PCDHGA10: variants seen among roughly 807,000 people sequenced by gnomAD.
PCDHGA10 encodes the protein protocadherin gamma subfamily A, 10, also known as protocadherin gamma-A10.
In PCDHGA10, 42 loss-of-function variants were observed where a neutral mutation model predicts 59.5. The observed-to-expected ratio is 0.71, with a 90% CI of 0.55 to 0.91. The LOEUF is 0.91. PCDHGA10 is among the 40% of genes least tolerant of loss of function. PCDHGA10 has a pLI of 0.00. For missense variants in PCDHGA10, 1,111 were observed against 1,198.2 expected, an observed-to-expected ratio of 0.93 and a Z score of 1.07; for synonymous variants, 511 against 517.2, an observed-to-expected ratio of 0.99 and a Z score of 0.16.
At chr5:141,427,411 A>C (rs1256606726) in intron 1 of PCDHGA10, 2 of 464,124 alleles carry the variant, frequency 4.3e-6, no homozygotes, top group Admixed American at 2.3e-5. Flanking sequence ...GATTCGAGAG[A>C]AAATGGGGAG....
At chr5:141,422,122 A>C in intron 1 of PCDHGA10, 1 of 1,601,714 alleles carries the variant, frequency 6.2e-7, no homozygotes, top group Non-Finnish European at 8.5e-7. Context: ...GGATTCACAA[A>C]CTGGAGAAGT....
At chr5:141,430,206 TTATTA>T (rs1267858049) in intron 1 of PCDHGA10, among the ~76,000 whole-genome samples, 2 of 151,984 alleles carry the variant, frequency 1.3e-5, no homozygotes, top group African/African-American at 4.8e-5. Flanking sequence ...AAAGTTTAAA[TTATTA>T]TATTATATGA....
chr5:141,482,470 C>T (rs768383368), intron 1 of PCDHGA10, among the ~76,000 whole-genome samples: 8 of 137,876 alleles, frequency 5.8e-5, no homozygotes, highest in Non-Finnish European at 1.2e-4. Flanking sequence ...ATGTGCCAGA[C>T]ACTGTAAACA....
At chr5:141,481,035 G>C (rs1342607604) in intron 1 of PCDHGA10, among the ~76,000 whole-genome samples, 1 of 152,094 alleles carries the variant, frequency 6.6e-6, no homozygotes, top group Non-Finnish European at 1.5e-5. Flanking sequence ...TCCAGCCTGG[G>C]CGACAGAGCG....
chr5:141,432,025 G>T lies in PCDHGA10; in HGVS notation c.2436+16414G>T. ...AGGTTCCTAGCTACAACATCACAGT[G>T]ACCGCCACTGACCGGGGAACCCCGC... On this transcript the variant is annotated intron_variant, in intron 1 of 3. Coordinates refer to ENST00000398610, the MANE Select transcript of PCDHGA10 (RefSeq NM_018913.3). The surrounding 1 kb of genome is among the most constrained non-coding windows in gnomAD (Gnocchi z 6.0). The T allele has an allele frequency of 6.2e-7, 1 of 1,614,158 alleles. No homozygotes were observed. The highest frequency in any genetic ancestry group is 1.1e-5 in the South Asian group (1 of 91,058).
intron 1 of PCDHGA10, among the ~76,000 whole-genome samples, chr5:141,465,038 G>T (rs1297185291): frequency 6.6e-6 from 1 of 151,642 alleles, no homozygotes; most frequent in Non-Finnish European, 1.5e-5. Flanking sequence ...CACCACAAAT[G>T]ACCCTATATA....
chr5:141,478,221 C>A, intron 1 of PCDHGA10: 1 of 1,614,122 alleles, frequency 6.2e-7, no homozygotes, highest in Non-Finnish European at 8.5e-7. Context: ...ATCCTGGTTT[C>A]TGTGGGGTTT....
intron 1 of PCDHGA10, among the ~76,000 whole-genome samples, chr5:141,457,968 G>A (rs919621979): frequency 6.6e-6 from 1 of 152,120 alleles, no homozygotes; most frequent in African/African-American, 2.4e-5. Context: ...TTCCTTAAAG[G>A]GAAACACACC....
intron 1 of PCDHGA10, among the ~76,000 whole-genome samples, chr5:141,467,395 G>A (rs1197131223): frequency 6.6e-6 from 1 of 152,056 alleles, no homozygotes; most frequent in African/African-American, 2.4e-5. Flanking sequence ...TTAAGTCATA[G>A]TTAGAAAGCC....
chr5:141,429,960 A>C (rs981722031), intron 1 of PCDHGA10, among the ~76,000 whole-genome samples: 2 of 152,244 alleles, frequency 1.3e-5, no homozygotes, highest in African/African-American at 4.8e-5. Flanking sequence ...AGTCAATGCA[A>C]GTTGGAATGC....
At chr5:141,423,618 C>T (rs2096760725) in intron 1 of PCDHGA10, 2 of 1,608,284 alleles carry the variant, frequency 1.2e-6, no homozygotes, top group East Asian at 2.2e-5. Flanking sequence ...TAGCTGAAGA[C>T]TCAGCTATCA....
intron 2 of PCDHGA10, among the ~76,000 whole-genome samples, chr5:141,497,540 C>CTT (rs754207034): frequency 2.8e-4 from 38 of 134,912 alleles, no homozygotes; most frequent in African/African-American, 8.9e-4. Context: ...TGCAACAAAC[C>CTT]TTTTTTTTTT....
At chr5:141,433,208 C>T (rs780155661) in intron 1 of PCDHGA10, 90 of 1,293,816 alleles carry the variant, frequency 7.0e-5, no homozygotes, top group Middle Eastern at 5.9e-4. Flanking sequence ...AATCTTCTTT[C>T]TTTTTTTTTT....
chr5:141,502,470 G>A (rs1017558920), intron 2 of PCDHGA10, among the ~76,000 whole-genome samples: 5 of 150,916 alleles, frequency 3.3e-5, no homozygotes, highest in Admixed American at 2.6e-4. Flanking sequence ...AATACTTCCC[G>A]CAGCATCACA....
In PCDHGA10 at chr5:141,431,716, G is replaced by T; in HGVS notation, c.2436+16105G>T. On this transcript the variant is annotated intron_variant, in intron 1 of 3. Transcript: ENST00000398610. The surrounding 1 kb of genome is among the most constrained non-coding windows in gnomAD (Gnocchi z 4.8). ...AGTCAGGATTCTACCAGATGGAAGT[G>T]CAAGCAATGGATAATGCAGGATATT... 1 of 1,614,244 alleles carries T rather than the reference G, an allele frequency of 6.2e-7. No homozygotes were observed. Among genetic ancestry groups the T allele is most frequent in the Middle Eastern group, 1.6e-4 (1 of 6,062 alleles).
intron 1 of PCDHGA10, among the ~76,000 whole-genome samples, chr5:141,466,063 A>G (rs554503713): frequency 3.3e-5 from 5 of 152,268 alleles, no homozygotes; most frequent in Admixed American, 6.5e-5. Context: ...CGGAGCTTGC[A>G]GTGAGCTGAT....
Position 141,415,488 on chromosome 5 carries a change from C to T in PCDHGA10, c.2313C>T (p.His771=). 1.9e-6 allele frequency: 3 copies of T among 1,614,220 alleles called. No homozygotes were observed. Among genetic ancestry groups the T allele is most frequent in the Non-Finnish European group, 2.5e-6 (3 of 1,180,044 alleles). The change falls in exon 1 of 4, where the codon CAC becomes CAT. Residue 771 remains histidine (H), a synonymous_variant. Transcript: ENST00000398610. ...VSLTADSRKS[H]LIFPQPNYAD... is the part of the protein sequence containing the mutation. Reference sequence around the variant, plus strand: ...TCACCGCGGACTCGCGAAAGAGTCACCTGATCTTCCCCCAGCCCAATTATG... The same window carrying T: ...TCACCGCGGACTCGCGAAAGAGTCATCTGATCTTCCCCCAGCCCAATTATG...
intron 1 of PCDHGA10, chr5:141,418,580 G>A: frequency 1.2e-5 from 20 of 1,614,018 alleles, no homozygotes; most frequent in Non-Finnish European, 1.7e-5. Flanking sequence ...CAACCCCCCA[G>A]TGTTCAGCCA....
chr5:141,459,162 T>A (rs1408033955), intron 1 of PCDHGA10, among the ~76,000 whole-genome samples: 3 of 152,224 alleles, frequency 2.0e-5, no homozygotes, highest in African/African-American at 7.2e-5. Context: ...AACATTTCTA[T>A]AACCTTCAAA....
Sources: gnomAD v4.1 joint callset for allele counts (sites outside exome capture counted in the v4.1 genomes callset) on GRCh38, gnomAD v4.1.1 for gene constraint, Gnocchi (gnomAD v3.1) non-coding constraint, MANE v1.5 for transcripts, NCBI Gene and HGNC (gene_info 2026-07-23, HGNC 2026-07-21) for gene names.